The following STAC variants were observed in gnomAD, a reference collection of about 807,000 sequenced individuals.
STAC encodes SH3 and cysteine-rich domain-containing protein.
A neutral mutation model predicts 48.8 loss-of-function variants in STAC; 43 were observed. The observed-to-expected ratio is 0.88, with a 90% CI of 0.69 to 1.14. The LOEUF (loss-of-function observed/expected upper bound fraction) is 1.14. Among genes scored for constraint, STAC ranks in the 50% most tolerant of loss-of-function variants. The probability of loss-of-function intolerance (pLI) is 0.00; values close to 1 mark genes in which losing one functional copy is unlikely to be tolerated. For missense variants in STAC, 497 were observed against 504.0 expected, an observed-to-expected ratio of 0.99 and a Z score of 0.13; for synonymous variants, 193 against 179.5, an observed-to-expected ratio of 1.07 and a Z score of -0.60.
intron 2 of STAC, among the ~76,000 whole-genome samples, chr3:36,477,199 G>A (rs1697516132): frequency 6.6e-6 from 1 of 152,022 alleles, no homozygotes; most frequent in African/African-American, 2.4e-5. Flanking sequence ...TAATCTGGAA[G>A]CAGACTAATT....
chr3:36,453,539 C>T (rs1265977530), intron 2 of STAC, among the ~76,000 whole-genome samples: 2 of 152,202 alleles, frequency 1.3e-5, no homozygotes, highest in Non-Finnish European at 2.9e-5. Flanking sequence ...TGCCTTCCCG[C>T]GGGGCAGGGC....
chr3:36,486,074 G>A, intron 4 of STAC, 60 bp from the exon 5 acceptor site: 1 of 1,276,690 alleles, frequency 7.8e-7, no homozygotes, highest in Non-Finnish European at 1.1e-6. Flanking sequence ...AGATGTGGTA[G>A]GCAGTTGGCT....
intron 2 of STAC, among the ~76,000 whole-genome samples, chr3:36,475,012 C>T (rs185712481): frequency 3.2e-4 from 48 of 151,616 alleles, no homozygotes; most frequent in South Asian, 1.0e-3. Flanking sequence ...TGTGTGTGTG[C>T]GCGCGCGCAC....
intron 2 of STAC, among the ~76,000 whole-genome samples, chr3:36,482,232 C>A (rs145122717): frequency 6.6e-6 from 1 of 152,116 alleles, no homozygotes; most frequent in African/African-American, 2.4e-5. Flanking sequence ...TAATGAACAC[C>A]GGTGTGCAGC....
At chr3:36,544,135 C>T (rs747624614) in intron 10 of STAC, among the ~76,000 whole-genome samples, 4 of 152,148 alleles carry the variant, frequency 2.6e-5, no homozygotes, top group Non-Finnish European at 5.9e-5. Flanking sequence ...TTCCAAGACA[C>T]ACTCCCTGCT....
chr3:36,474,148 T>G (rs1697425534), intron 2 of STAC, among the ~76,000 whole-genome samples: 1 of 152,190 alleles, frequency 6.6e-6, no homozygotes, highest in South Asian at 2.1e-4. Flanking sequence ...CCCACATCCC[T>G]ACAGCAGCTG....
intron 1 of STAC, among the ~76,000 whole-genome samples, chr3:36,405,039 C>T (rs1016370510): frequency 1.3e-5 from 2 of 152,052 alleles, no homozygotes; most frequent in Admixed American, 6.5e-5. Flanking sequence ...AAATATCATA[C>T]GATTCTTGTT....
chr3:36,509,930 CA>C (rs2125716463), intron 8 of STAC, among the ~76,000 whole-genome samples: 1 of 152,138 alleles, frequency 6.6e-6, no homozygotes, highest in South Asian at 2.1e-4. Flanking sequence ...ACACCAAAAG[CA>C]ATGGCAACAA....
Position 36,442,224 on chromosome 3 carries a change from G to A in STAC, c.112-1140G>A, listed in dbSNP as rs56744873. Reference sequence around the variant, plus strand: ...CAAGAGTTTATGGAGCAAAAGTGCTGACAGCTTCTTCCAGTTTCCTTTGCT... The same window carrying A: ...CAAGAGTTTATGGAGCAAAAGTGCTAACAGCTTCTTCCAGTTTCCTTTGCT... On this transcript the variant is annotated intron_variant, in intron 1 of 10. Coordinates refer to ENST00000273183, the MANE Select transcript of STAC (RefSeq NM_003149.3). 6.0e-3 allele frequency among the ~76,000 whole-genome samples: 908 copies of A among 152,266 alleles called. 14 individuals are homozygous for A. Among genetic ancestry groups the A allele is most frequent in the African/African-American group, 0.02 (819 of 41,550 alleles).
chr3:36,399,140 T>A (rs777272824), intron 1 of STAC, among the ~76,000 whole-genome samples: 2 of 151,524 alleles, frequency 1.3e-5, no homozygotes, highest in African/African-American at 2.4e-5. Context: ...GGGAGGGGAG[T>A]ACAATCTCCC....
chr3:36,391,778 T>C (rs753394711), intron 1 of STAC, among the ~76,000 whole-genome samples: 17 of 152,150 alleles, frequency 1.1e-4, no homozygotes, highest in Non-Finnish European at 2.1e-4. Flanking sequence ...CATGCTTCAT[T>C]TGTCTGAAAA....
intron 7 of STAC, 74 bp downstream of exon 7, chr3:36,504,531 G>C: frequency 7.5e-7 from 1 of 1,326,654 alleles, no homozygotes; most frequent in East Asian, 2.3e-5. Flanking sequence ...ATCCAAGTGG[G>C]TCATGAAATC....
rs138977896 is a variant in STAC, at chr3:36,504,445, C to T, written c.819C>T (p.Asn273=). The T allele has an allele frequency of 5.0e-6, 8 of 1,613,408 alleles. No homozygotes were observed. The African/African-American group carries it at 1.1e-4, about 22-fold the overall frequency. Residue 273 remains asparagine (N), a synonymous_variant, in exon 7 of 11, where the codon AAC becomes AAT. Transcript: ENST00000273183. ...ATGATTTCAGAGATCCAGCGAAGAA[C>T]ATAAACCACCAGGTATTTATGGATG... ...GTDDFRDPAK[N]INHQGSLSKD...
At chr3:36,447,133 C>G (rs1257637665) in intron 2 of STAC, among the ~76,000 whole-genome samples, 7 of 152,096 alleles carry the variant, frequency 4.6e-5, no homozygotes, top group Non-Finnish European at 8.8e-5. Flanking sequence ...ACCGAGTGGT[C>G]CTACCTTCAG....
intron 1 of STAC, among the ~76,000 whole-genome samples, chr3:36,385,032 T>G (rs1292460529): frequency 6.6e-6 from 1 of 152,122 alleles, no homozygotes; most frequent in Non-Finnish European, 1.5e-5. Context: ...TGCATTGAAA[T>G]CACCAAGGGA....
chr3:36,507,127 G>A lies in STAC; in HGVS notation c.920+1293G>A, dbSNP rs569714656. 1.1e-4 allele frequency among the ~76,000 whole-genome samples: 17 copies of A among 152,324 alleles called. No homozygotes were observed. In the South Asian group the frequency reaches 2.5e-3, roughly 22 times the overall value. ...CTTAGTTTATGAGAGTTTTTAGCAT[G>A]AAGGGGTATTGAATTTTATTGAAGG... On this transcript the variant is annotated intron_variant, in intron 8 of 10. Transcript: ENST00000273183.
At position 36,400,824 on chromosome 3, in the gene STAC, A is replaced by G. The variant is rs907819946; in HGVS notation, c.111+20070A>G. Among the ~76,000 whole-genome samples the G allele has an allele frequency of 2.6e-5, 4 of 152,170 alleles. No homozygotes were observed. The East Asian group carries it at 5.8e-4, about 22-fold the overall frequency. ...CTATTTGTTTATTGCTTTGACCATA[A>G]TTACGTGCAAGTGTTCTCTTGACCC... is the stretch of plus-strand genomic sequence containing the variant. On this transcript the variant is annotated intron_variant, in intron 1 of 10. Transcript: ENST00000273183.
intron 1 of STAC, among the ~76,000 whole-genome samples, chr3:36,441,940 T>A (rs76500991): frequency 5.5e-5 from 8 of 144,208 alleles, no homozygotes; most frequent in African/African-American, 2.0e-4. Flanking sequence ...TGTTTGGAGG[T>A]TTGTGTTTTT....
chr3:36,533,365 C>A (rs1402954472), intron 10 of STAC, among the ~76,000 whole-genome samples: 1 of 151,972 alleles, frequency 6.6e-6, no homozygotes, highest in African/African-American at 2.4e-5. Flanking sequence ...CCAAGTTTAC[C>A]CAACTGTATC....
Sources: gnomAD v4.1 joint callset for allele counts (sites outside exome capture counted in the v4.1 genomes callset) on GRCh38, gnomAD v4.1.1 for gene constraint, MANE v1.5 for transcripts, NCBI Gene and HGNC (gene_info 2026-07-23, HGNC 2026-07-21) for gene names.